The following AMMECR1 variants were observed in gnomAD, a reference collection of about 807,000 sequenced individuals.
The protein encoded by AMMECR1 is AMMECR nuclear protein 1.
Under a neutral mutation model 22.5 loss-of-function variants are expected in AMMECR1, and 3 were observed. The observed-to-expected ratio is 0.13, with a 90% CI of 0.06 to 0.35. The LOEUF (loss-of-function observed/expected upper bound fraction) is 0.35. Among genes scored for constraint, AMMECR1 ranks in the 10% least tolerant of loss-of-function variants. The pLI, the probability that AMMECR1 is intolerant of heterozygous loss-of-function variation, is 1.00. For missense variants in AMMECR1, 235 were observed against 278.7 expected, an observed-to-expected ratio of 0.84 and a Z score of 1.12; for synonymous variants, 130 against 116.7, an observed-to-expected ratio of 1.11 and a Z score of -0.74.
chrX:110,353,868 A>C (rs56249803), intron 2 of AMMECR1, among the ~76,000 whole-genome samples: 6,986 of 111,518 alleles, frequency 0.063, 540 homozygotes, highest in African/African-American at 0.21. Context: ...CAGTGTTTCT[A>C]TATACTAACA....
At chrX:110,364,314 A>G (rs2068283038) in intron 2 of AMMECR1, among the ~76,000 whole-genome samples, 1 of 111,648 alleles carries the variant, frequency 9.0e-6, no homozygotes, top group African/African-American at 3.3e-5. Flanking sequence ...TACATCAGCA[A>G]AGAGTCATAT....
chrX:110,249,759 G>A (rs2067677623), intron 2 of AMMECR1, among the ~76,000 whole-genome samples: 1 of 111,758 alleles, frequency 8.9e-6, no homozygotes, highest in South Asian at 3.8e-4. Context: ...AATTAGCTGG[G>A]CATGGTGGCG....
At chrX:110,403,874 A>G (rs1259460225) in intron 2 of AMMECR1, among the ~76,000 whole-genome samples, 1 of 111,944 alleles carries the variant, frequency 8.9e-6, no homozygotes, top group Non-Finnish European at 1.9e-5. Flanking sequence ...TATACACCCA[A>G]TCGCCTTTTA....
At chrX:110,319,505 A>T, upstream of AMMECR1, among the ~76,000 whole-genome samples, 1 of 112,251 alleles carries the variant, frequency 8.9e-6, no homozygotes, top group Non-Finnish European at 1.9e-5. Flanking sequence ...TCCAGGGCGT[A>T]CTCAGGAAGT....
chrX:110,401,219 G>A (rs1052741378), intron 2 of AMMECR1, among the ~76,000 whole-genome samples: 3 of 111,688 alleles, frequency 2.7e-5, no homozygotes, highest in African/African-American at 9.8e-5. Context: ...CTTGCACTGT[G>A]CACTCTTCCC....
intron 2 of AMMECR1, among the ~76,000 whole-genome samples, chrX:110,244,761 G>A (rs894303786): frequency 6.2e-5 from 7 of 112,002 alleles, no homozygotes; most frequent in Admixed American, 4.8e-4. Context: ...ATGTCAGCCT[G>A]ATATAAATGA....
chrX:110,346,700 G>A lies in AMMECR1; in HGVS notation c.-147-28851C>T. The A allele has an allele frequency of 4.0e-6, 3 of 750,779 alleles. No individual in the cohort carries two copies. The South Asian group carries it at 6.3e-5, about 16-fold the overall frequency. The allele number at this position is 750,779 out of a possible 1,213,427, so 61.9% of individuals were successfully genotyped here. ...TTGGGAAACCTTTGAAAGATTCATTGTACTACAAAAAGGAACAGACTTTCT... is the reference window on the plus strand; with the variant it reads ...TTGGGAAACCTTTGAAAGATTCATTATACTACAAAAAGGAACAGACTTTCT... On this transcript the variant is annotated intron_variant, in intron 2 of 7. Coordinates refer to the AMMECR1 transcript ENST00000372057.
intron 1 of AMMECR1, among the ~76,000 whole-genome samples, chrX:110,298,821 T>C (rs1405011486): frequency 9.0e-6 from 1 of 111,642 alleles, no homozygotes; most frequent in African/African-American, 3.2e-5. Flanking sequence ...CTATCAATTA[T>C]GTGGAGTTCA....
intron 2 of AMMECR1, among the ~76,000 whole-genome samples, chrX:110,356,036 T>A (rs1336098525): frequency 9.1e-6 from 1 of 109,862 alleles, no homozygotes; most frequent in African/African-American, 3.3e-5. Context: ...GTGGATATCA[T>A]AGAAACAAAG....
chrX:110,219,006 T>C (rs2067487811), intron 2 of AMMECR1, among the ~76,000 whole-genome samples: 1 of 112,031 alleles, frequency 8.9e-6, no homozygotes, highest in Non-Finnish European at 1.9e-5. Context: ...AATATTTCAT[T>C]GTATGGATAC....
intron 2 of AMMECR1, among the ~76,000 whole-genome samples, chrX:110,336,346 G>A (rs2068141128): frequency 9.0e-6 from 1 of 110,641 alleles, no homozygotes; most frequent in African/African-American, 3.3e-5. Context: ...ATGATTTTAG[G>A]TACTCGTAGA....
At chrX:110,269,820 T>G (rs747005575) in intron 1 of AMMECR1, among the ~76,000 whole-genome samples, 2 of 111,934 alleles carry the variant, frequency 1.8e-5, no homozygotes, top group African/African-American at 6.5e-5. Context: ...AACTACAGAT[T>G]CAATTCATAA....
intron 2 of AMMECR1, among the ~76,000 whole-genome samples, chrX:110,393,967 C>T (rs1240204129): frequency 8.9e-6 from 1 of 112,282 alleles, no homozygotes; most frequent in Non-Finnish European, 1.9e-5. Flanking sequence ...ATAAATGACA[C>T]GATAGGAAAG....
intron 2 of AMMECR1, among the ~76,000 whole-genome samples, chrX:110,389,033 T>C (rs1386488478): frequency 8.9e-6 from 1 of 112,061 alleles, no homozygotes; most frequent in East Asian, 2.8e-4. Flanking sequence ...TCCCAAAATG[T>C]GCACTGTGGA....
At chrX:110,234,366 A>G (rs764583604) in intron 2 of AMMECR1, among the ~76,000 whole-genome samples, 116 of 112,515 alleles carry the variant, frequency 1.0e-3, no homozygotes, top group Middle Eastern at 9.1e-3. Context: ...ATGCTCATGG[A>G]TAGAAAGAAT....
chrX:110,259,591 CTTT>C (rs56156052), intron 2 of AMMECR1, among the ~76,000 whole-genome samples: 3 of 94,785 alleles, frequency 3.2e-5, no homozygotes, highest in Non-Finnish European at 4.3e-5. Context: ...CTTTCTTTTT[CTTT>C]TTTTTTTTTT....
chrX:110,356,089 T>C (rs2068228757), intron 2 of AMMECR1, among the ~76,000 whole-genome samples: 1 of 107,157 alleles, frequency 9.3e-6, no homozygotes, highest in Non-Finnish European at 1.9e-5. Flanking sequence ...AGGAGGAGGG[T>C]TGGGGAAAGG....
Position 110,198,282 on chromosome X carries a change from T to G in AMMECR1, c.*238A>C, listed in dbSNP as rs1414801723. On this transcript the variant is annotated 3_prime_UTR_variant, in exon 6 of 6. Transcript: ENST00000262844. ...TTATAAGGAAAAAAAAACCCAAAAT[T>G]ATATATGCTGCAAAAAAAAAATCAA... The G allele has an allele frequency of 4.1e-6, 1 of 246,734 alleles. No homozygotes were observed. The highest frequency in any genetic ancestry group is 7.1e-6 in the Non-Finnish European group (1 of 139,913). 20.3% of individuals were successfully genotyped at this position (246,734 alleles called of 1,213,427 possible).
rs1210911816 is a variant in AMMECR1, at chrX:110,196,393, T to C, written c.*2127A>G. The stretch of plus-strand genomic sequence containing the variant: ...CCTTTTTTTCCTTTTTTTTGTTTTT[T>C]GTTTTGTTTTTTTTTTGTTTGTTTT... On this transcript the variant is annotated 3_prime_UTR_variant, in exon 6 of 6. Transcript: ENST00000262844. The C allele has an allele frequency of 9.3e-6, 1 of 107,733 alleles. No homozygotes were observed. The highest frequency in any genetic ancestry group is 1.9e-5 in the Non-Finnish European group (1 of 52,846). 8.9% of individuals were successfully genotyped at this position (107,733 alleles called of 1,213,427 possible).
Sources: allele counts gnomAD v4.1 joint callset (sites outside exome capture counted in the v4.1 genomes callset), GRCh38; gene constraint gnomAD v4.1.1; transcripts MANE v1.5; gene names NCBI Gene and HGNC (gene_info 2026-07-23, HGNC 2026-07-21).